PNLIPRP1: variants seen among roughly 807,000 people sequenced by gnomAD.
PNLIPRP1 encodes inactive pancreatic lipase-related protein 1.
Under a neutral mutation model 54.6 loss-of-function variants are expected in PNLIPRP1, and 57 were observed. That is an observed-to-expected ratio of 1.04 (90% CI 0.84 to 1.30). The LOEUF is 1.30. PNLIPRP1 is among the 50% of genes most tolerant of loss of function. The pLI, the probability that PNLIPRP1 is intolerant of heterozygous loss-of-function variation, is 0.00. For synonymous variants in PNLIPRP1, 232 were observed against 208.8 expected (o/e 1.11, Z -0.96); for missense variants, 567 against 568.5 (o/e 1.00, Z 0.03).
intron 10 of PNLIPRP1, among the ~76,000 whole-genome samples, chr10:116,601,787 G>A (rs1554864816): frequency 6.6e-6 from 1 of 152,164 alleles, no homozygotes; most frequent in Non-Finnish European, 1.5e-5. Context: ...CCTGCCCCAT[G>A]ACACTTCCAT....
intron 8 of PNLIPRP1, among the ~76,000 whole-genome samples, chr10:116,598,844 A>C (rs1382084255): frequency 6.6e-6 from 1 of 152,248 alleles, no homozygotes; most frequent in Non-Finnish European, 1.5e-5. Flanking sequence ...CAGACTTGTC[A>C]TGTGGCACCA....
chr10:116,598,353 G>A (rs1430624806), intron 8 of PNLIPRP1, among the ~76,000 whole-genome samples, 187 bp downstream of exon 8: 1 of 152,170 alleles, frequency 6.6e-6, no homozygotes, highest in African/African-American at 2.4e-5. Flanking sequence ...TACTGCTTTT[G>A]TGCTTCCTTA....
intron 4 of PNLIPRP1, chr10:116,594,479 T>C: frequency 5.2e-6 from 3 of 574,254 alleles, no homozygotes; most frequent in Non-Finnish European, 9.5e-6. Flanking sequence ...CCTTACTGAA[T>C]TTGGTTGAAG....
chr10:116,593,651 G>C (rs1734206571), intron 4 of PNLIPRP1: 1 of 152,152 alleles, frequency 6.6e-6, no homozygotes, highest in Non-Finnish European at 1.5e-5. Context: ...GTTTCCTCAG[G>C]ATTGCTTGAA....
At chr10:116,591,969 C>T (rs1226896811) in intron 3 of PNLIPRP1, 44 bp downstream of exon 3, 7 of 1,599,812 alleles carry the variant, frequency 4.4e-6, no homozygotes, top group Non-Finnish European at 6.0e-6. Flanking sequence ...TGGCACGGGG[C>T]TATGCCCACC....
At position 116,597,522 on chromosome 10, in the gene PNLIPRP1, T is replaced by C. The variant is rs563016219; in HGVS notation, c.575-306T>C. 6.6e-5 allele frequency among the ~76,000 whole-genome samples: 10 copies of C among 152,280 alleles called. No homozygotes were observed. In the South Asian group the frequency reaches 2.1e-3, roughly 32 times the overall value. ...TCTACAAGCTTGGGGAGAGAAAGGA[T>C]GATGAAGAAGAAAGATACACAAGTA... On this transcript the variant is annotated intron_variant, in intron 6 of 12. Coordinates refer to ENST00000358834, the MANE Select transcript of PNLIPRP1 (RefSeq NM_006229.4).
chr10:116,594,581 C>T (rs1468009015), intron 4 of PNLIPRP1, 149 bp from the exon 5 acceptor site: 2 of 823,678 alleles, frequency 2.4e-6, no homozygotes, highest in Non-Finnish European at 4.0e-6. Flanking sequence ...AAGGATAACT[C>T]CTAATTACCA....
rs1206215161 is a variant in PNLIPRP1 at position 116,592,481 on chromosome 10, G to C, written c.270G>C (p.Arg90=). The C allele has an allele frequency of 6.2e-7, 1 of 1,613,958 alleles. No individual in the cohort carries two copies. The highest frequency in any genetic ancestry group is 8.5e-7 in the Non-Finnish European group (1 of 1,179,958). ...ATTTTCAAATGGACAGAAAGACCCG[G>C]TTCATCATCCATGGCTTCATAGACA... The part of the protein sequence containing the change: ...ASNFQMDRKT[R]FIIHGFIDKG... Residue 90 remains arginine (R), a synonymous_variant, in exon 4 of 13, where the codon CGG becomes CGC. Coordinates refer to ENST00000358834, the MANE Select transcript of PNLIPRP1 (RefSeq NM_006229.4).
chr10:116,591,066 G>A (rs1430313572), intron 1 of PNLIPRP1, 64 bp from the exon 2 acceptor site: 2 of 1,300,452 alleles, frequency 1.5e-6, no homozygotes, highest in Non-Finnish European at 1.1e-6. Context: ...TGAAGTCCAG[G>A]GCGTCGGTGC....
At chr10:116,603,902 T>A (rs1020262039) in intron 10 of PNLIPRP1, 128 bp from the exon 11 acceptor site, 2 of 513,120 alleles carry the variant, frequency 3.9e-6, no homozygotes, top group Non-Finnish European at 6.9e-6. Context: ...CAAAAAATAA[T>A]AATAATAATT....
At position 116,595,043 on chromosome 10, in the gene PNLIPRP1, T is replaced by C. The variant is rs565345994; in HGVS notation, c.465+179T>C. ...ACGCCAGTGGAAGCAAAAATAAGAA[T>C]CGCTAACACTTAGAAAGTGGTTTTT... On this transcript the variant is annotated intron_variant, in intron 5 of 12. Transcript: ENST00000358834. The C allele has an allele frequency of 1.0e-5, 7 of 673,584 alleles. No individual in the cohort carries two copies. The East Asian group carries it at 1.9e-4, about 19-fold the overall frequency. 41.7% of individuals were successfully genotyped at this position (673,584 alleles called of 1,614,324 possible). A position where few individuals can be genotyped will look rare whatever the true frequency, so the allele number is the denominator to read the frequency against.
chr10:116,592,820 T>C (rs1554863444), intron 4 of PNLIPRP1: 3 of 462,434 alleles, frequency 6.5e-6, no homozygotes, highest in South Asian at 1.9e-5. Flanking sequence ...GGGTACTTTG[T>C]ATCCTATAAG....
In PNLIPRP1 at chr10:116,609,107, G is replaced by T. The variant is rs200395414; in HGVS notation, c.1395G>T (p.Thr465=). 5.6e-6 allele frequency: 9 copies of T among 1,609,782 alleles called. No individual in the cohort carries two copies. The East Asian group carries it at 2.0e-4, about 36-fold the overall frequency. The change falls in exon 13 of 13, where the codon ACG becomes ACT. Residue 465 remains threonine, a synonymous_variant. Transcript: ENST00000358834. ...TVREDTLLTL[T]PC is the part of the protein sequence containing the mutation. ...GGGAAGACACGCTGCTCACCCTCAC[G>T]CCCTGCTAAGCTCCCGGGGCGACGA...
At chr10:116,602,941 A>ATT (rs34437990) in intron 10 of PNLIPRP1, among the ~76,000 whole-genome samples, 134,027 of 151,760 alleles carry the variant, frequency 0.88, 59,565 homozygotes, top group East Asian at 1. Context: ...GTGTAGATGT[A>ATT]TGTGTGTGTG....
chr10:116,606,393 G>A (rs1461409754), intron 12 of PNLIPRP1, among the ~76,000 whole-genome samples: 2 of 152,184 alleles, frequency 1.3e-5, no homozygotes, highest in Non-Finnish European at 2.9e-5. Flanking sequence ...CCTGCCAGGT[G>A]GTGGGTGGAA....
intron 5 of PNLIPRP1, chr10:116,595,157 A>T: frequency 2.8e-6 from 1 of 357,678 alleles, no homozygotes; most frequent in Admixed American, 3.9e-5. Flanking sequence ...AAATGAATAG[A>T]AGACCTGCCT....
In PNLIPRP1 at chr10:116,591,795, T is replaced by A. The variant is rs1554863191; in HGVS notation, c.74T>A (p.Leu25His). ...GGAAAAGAAGTTTGCTATGAGGACC[T>A]CGGGTGCTTTTCTGACACTGAGCCC... ...AKGKEVCYED[L>H]GCFSDTEPWG... Residue 25 changes from leucine (L) to histidine (H), a missense_variant, in exon 3 of 13, where the codon CTC becomes CAC. Coordinates refer to ENST00000358834, the MANE Select transcript of PNLIPRP1 (RefSeq NM_006229.4). 6.2e-7 allele frequency: 1 copy of A among 1,614,220 alleles called. No individual in the cohort carries two copies. Among genetic ancestry groups the A allele is most frequent in the East Asian group, 2.2e-5 (1 of 44,868 alleles).
intron 3 of PNLIPRP1, 192 bp from the exon 4 acceptor site, chr10:116,592,224 C>T (rs1383142214): frequency 2.4e-5 from 16 of 673,240 alleles, no homozygotes; most frequent in South Asian, 2.2e-4. Context: ...ACAATCCAGG[C>T]CTAGTGGAAG....
At chr10:116,599,035 A>G (rs1248224760) in intron 8 of PNLIPRP1, among the ~76,000 whole-genome samples, 8 of 152,082 alleles carry the variant, frequency 5.3e-5, no homozygotes, top group Non-Finnish European at 1.2e-4. Context: ...CGGGCAAATC[A>G]CTTGAGGTCA....
Sources: gnomAD v4.1 joint callset for allele counts (sites outside exome capture counted in the v4.1 genomes callset) on GRCh38, gnomAD v4.1.1 for gene constraint, MANE v1.5 for transcripts, NCBI Gene and HGNC (gene_info 2026-07-23, HGNC 2026-07-21) for gene names.